PPM1E: variants seen among roughly 807,000 people sequenced by gnomAD.
PPM1E encodes the protein protein phosphatase 1E.
A neutral mutation model predicts 65.9 loss-of-function variants in PPM1E; 20 were observed. The observed-to-expected ratio is 0.30, with a 90% CI of 0.21 to 0.44. The LOEUF (loss-of-function observed/expected upper bound fraction) is 0.44, where lower values mean the gene tolerates loss of function less well. Ranked by LOEUF, PPM1E falls within the 20% of genes least tolerant of loss-of-function variation. PPM1E has a pLI of 1.00. For synonymous variants in PPM1E, 352 were observed against 374.9 expected (o/e 0.94, Z 0.70); for missense variants, 713 against 953.1 (o/e 0.75, Z 3.32).
At chr17:58,894,876 ATTGT>A (rs960995492) in intron 1 of PPM1E, among the ~76,000 whole-genome samples, 6 of 152,194 alleles carry the variant, frequency 3.9e-5, no homozygotes, top group Admixed American at 6.5e-5. Flanking sequence ...GGAGTAAAAC[ATTGT>A]TTGATAATAC....
intron 1 of PPM1E, among the ~76,000 whole-genome samples, chr17:58,825,224 T>TCACA (rs71367635): frequency 0.12 from 16,416 of 139,966 alleles, 1,095 homozygotes; most frequent in Admixed American, 0.15. Context: ...ACACACACAC[T>TCACA]CACACACACA....
At chr17:58,805,988 AACAAAACAAAACAAAAAAAAAAC>A (rs2050309143) in intron 1 of PPM1E, among the ~76,000 whole-genome samples, 1 of 109,910 alleles carries the variant, frequency 9.1e-6, no homozygotes, top group Non-Finnish European at 1.8e-5. Flanking sequence ...AAAAAAACAA[AACAAAACAAAACAAAAAAAAAAC>A]TATATGTAGC....
intron 1 of PPM1E, among the ~76,000 whole-genome samples, chr17:58,820,718 C>T (rs1278294023): frequency 6.6e-6 from 1 of 151,974 alleles, no homozygotes; most frequent in African/African-American, 2.4e-5. Flanking sequence ...GCTAGAAGCT[C>T]AACAAAATTA....
At chr17:58,865,709 A>G (rs2050995334) in intron 1 of PPM1E, among the ~76,000 whole-genome samples, 1 of 152,174 alleles carries the variant, frequency 6.6e-6, no homozygotes, top group South Asian at 2.1e-4. Context: ...TCAAAAAACA[A>G]ACAAACAAAC....
chr17:58,926,778 A>G (rs2051828613), intron 1 of PPM1E, among the ~76,000 whole-genome samples: 2 of 152,192 alleles, frequency 1.3e-5, no homozygotes, highest in South Asian at 2.1e-4. Context: ...TATTGGGGCT[A>G]ATATAAAACT....
intron 6 of PPM1E, among the ~76,000 whole-genome samples, chr17:58,975,007 T>C (rs1311798715): frequency 2.0e-5 from 3 of 152,200 alleles, no homozygotes; most frequent in Non-Finnish European, 2.9e-5. Flanking sequence ...TACCCTTATA[T>C]GGAATTATTA....
At chr17:58,849,269 C>T (rs1275175385) in intron 1 of PPM1E, among the ~76,000 whole-genome samples, 1 of 152,140 alleles carries the variant, frequency 6.6e-6, no homozygotes, top group African/African-American at 2.4e-5. Context: ...GTCTCTATCT[C>T]CTTCAATTCT....
At chr17:58,843,124 A>T (rs1447290188) in intron 1 of PPM1E, among the ~76,000 whole-genome samples, 1 of 151,942 alleles carries the variant, frequency 6.6e-6, no homozygotes, top group Non-Finnish European at 1.5e-5. Flanking sequence ...TCTCTACTAA[A>T]AATACAAAAA....
At chr17:58,818,077 C>G (rs1392535532) in intron 1 of PPM1E, among the ~76,000 whole-genome samples, 1 of 152,098 alleles carries the variant, frequency 6.6e-6, no homozygotes, top group Admixed American at 6.6e-5. Context: ...TGTACTGTCT[C>G]TAGTTCATTA....
intron 1 of PPM1E, chr17:58,899,417 C>G (rs2051469260): frequency 5.4e-6 from 1 of 185,708 alleles, no homozygotes; most frequent in African/African-American, 2.3e-5. Context: ...ATGGAATTTG[C>G]AAAGCTGCCA....
Position 58,811,406 on chromosome 17 carries a change from G to T in PPM1E, c.464+54945G>T, listed in dbSNP as rs573883756. Among the ~76,000 whole-genome samples, 45 of 152,224 alleles carry T rather than the reference G, an allele frequency of 3.0e-4. 1 individual carries two copies. Among genetic ancestry groups the T allele is most frequent in the Non-Finnish European group, 7.4e-5 (5 of 68,018 alleles). ...CTCTGCCTTTTAACGCAGAAAATTT[G>T]GAATTTATCCTTTGCACTATTGTCT... On this transcript the variant is annotated intron_variant, in intron 1 of 6. Transcript: ENST00000308249.
chr17:58,954,571 A>G lies in PPM1E; in HGVS notation c.465-1078A>G, dbSNP rs77042495. The stretch of plus-strand genomic sequence containing the variant: ...GGTTTCTTTCAGTTCCTTAGATATA[A>G]CAAGCTCTCAAAAGGTTCTGTATTG... On this transcript the variant is annotated intron_variant, in intron 1 of 6. Coordinates refer to ENST00000308249, the MANE Select transcript of PPM1E (RefSeq NM_014906.5). Among the ~76,000 whole-genome samples the G allele has an allele frequency of 3.0e-3, 456 of 152,156 alleles. 13 individuals carry two copies. The East Asian group carries it at 0.077, about 26-fold the overall frequency.
chr17:58,790,311 A>T (rs931090937), intron 1 of PPM1E, among the ~76,000 whole-genome samples: 1 of 151,034 alleles, frequency 6.6e-6, no homozygotes, highest in Non-Finnish European at 1.5e-5. Flanking sequence ...CAATCCACCC[A>T]CTGTGGCCTT....
rs552362831 is a variant in PPM1E at position 58,959,371 on chromosome 17, G to A, written c.583+3604G>A. 4.2e-4 allele frequency among the ~76,000 whole-genome samples: 63 copies of A among 150,790 alleles called. 1 individual carries two copies. In the South Asian group the frequency reaches 9.9e-3, roughly 24 times the overall value. Reference sequence around the variant, plus strand: ...TCCCAGCACTTTGGGAGGCTGAGGCGGGCGGATACCGAGGTCAGGAGATCG... The same window carrying A: ...TCCCAGCACTTTGGGAGGCTGAGGCAGGCGGATACCGAGGTCAGGAGATCG... On this transcript the variant is annotated intron_variant, in intron 2 of 6. Transcript: ENST00000308249.
intron 1 of PPM1E, among the ~76,000 whole-genome samples, chr17:58,827,901 C>CAAAA (rs59217561): frequency 0.24 from 26,623 of 112,394 alleles, 3,933 homozygotes; most frequent in Middle Eastern, 0.41. Context: ...GACTCCATCT[C>CAAAA]AAAAAAAAAA....
chr17:58,880,514 G>C (rs1010629934), intron 1 of PPM1E, among the ~76,000 whole-genome samples: 1 of 152,166 alleles, frequency 6.6e-6, no homozygotes, highest in Non-Finnish European at 1.5e-5. Flanking sequence ...GATATCTCCT[G>C]AACATGTATG....
chr17:58,866,394 G>GTGCC (rs1185629262), intron 1 of PPM1E, among the ~76,000 whole-genome samples: 1 of 152,150 alleles, frequency 6.6e-6, no homozygotes, highest in Non-Finnish European at 1.5e-5. Flanking sequence ...TGCTTCTACA[G>GTGCC]TGCCCCTTGC....
chr17:58,978,545 T>TAA (rs1275866165), intron 6 of PPM1E, among the ~76,000 whole-genome samples: 1 of 152,086 alleles, frequency 6.6e-6, no homozygotes, highest in East Asian at 1.9e-4. Context: ...ACCCCGTCTC[T>TAA]AATAAAAATA....
chr17:58,836,344 C>T (rs916089234), intron 1 of PPM1E, among the ~76,000 whole-genome samples: 2 of 151,734 alleles, frequency 1.3e-5, no homozygotes, highest in Admixed American at 6.6e-5. Context: ...AAAGAATTCC[C>T]AGGGGGCCTG....
Sources: gnomAD v4.1 joint callset for allele counts (sites outside exome capture counted in the v4.1 genomes callset) on GRCh38, gnomAD v4.1.1 for gene constraint, MANE v1.5 for transcripts, NCBI Gene and HGNC (gene_info 2026-07-23, HGNC 2026-07-21) for gene names.